Variants in KCNQ3 observed in about 807,000 individuals in gnomAD.
The protein encoded by KCNQ3 is potassium voltage-gated channel subfamily Q member 3.
Under a neutral mutation model 92.5 loss-of-function variants are expected in KCNQ3, and 30 were observed. The observed-to-expected ratio is 0.32, with a 90% CI of 0.24 to 0.44. The LOEUF is 0.44. Ranked by LOEUF, KCNQ3 falls within the 20% of genes least tolerant of loss-of-function variation. KCNQ3 has a pLI of 1.00. For missense variants in KCNQ3, 913 were observed against 1,140.3 expected (o/e 0.80, Z 2.87); for synonymous variants, 450 against 468.8 (o/e 0.96, Z 0.52).
chr8:132,352,528 G>A (rs1442398738), intron 1 of KCNQ3, among the ~76,000 whole-genome samples: 9 of 152,146 alleles, frequency 5.9e-5, no homozygotes, highest in Non-Finnish European at 1.0e-4. Flanking sequence ...CTGCTGTGAG[G>A]GCTAAATCAG....
intron 7 of KCNQ3, 137 bp downstream of exon 7, chr8:132,172,461 A>G: frequency 1.3e-6 from 1 of 797,240 alleles, no homozygotes; most frequent in South Asian, 1.4e-5. Flanking sequence ...ACAGACACAC[A>G]TGGAATCCTG....
intron 14 of KCNQ3, 116 bp from the exon 15 acceptor site, chr8:132,130,112 T>G (rs1292039167): frequency 3.0e-5 from 37 of 1,214,722 alleles, no homozygotes; most frequent in Non-Finnish European, 4.0e-5. Context: ...AGACGAAGTC[T>G]CAGTCTGTCA....
chr8:132,430,435 C>T (rs1460167848), intron 1 of KCNQ3, among the ~76,000 whole-genome samples: 3 of 152,240 alleles, frequency 2.0e-5, no homozygotes, highest in Admixed American at 6.5e-5. Flanking sequence ...CCAAAGGTCC[C>T]TGTGCCAGCC....
intron 12 of KCNQ3, 104 bp from the exon 13 acceptor site, chr8:132,134,492 T>C (rs1300687810): frequency 7.1e-6 from 6 of 847,628 alleles, no homozygotes; most frequent in East Asian, 2.7e-5. Flanking sequence ...GTTTGGAATA[T>C]ATAAGAGGAG....
chr8:132,256,693 T>C (rs1394559996), intron 1 of KCNQ3, among the ~76,000 whole-genome samples: 3 of 152,168 alleles, frequency 2.0e-5, no homozygotes, highest in African/African-American at 4.8e-5. Flanking sequence ...GAGTGTAGGA[T>C]GACATATTTA....
At chr8:132,441,166 C>G (rs1821525623) in intron 1 of KCNQ3, among the ~76,000 whole-genome samples, 1 of 152,210 alleles carries the variant, frequency 6.6e-6, no homozygotes, top group Admixed American at 6.5e-5. Flanking sequence ...TTGAAGACCT[C>G]AAAAGTAGGT....
At chr8:132,385,652 A>T (rs1819870771) in intron 1 of KCNQ3, among the ~76,000 whole-genome samples, 2 of 152,230 alleles carry the variant, frequency 1.3e-5, no homozygotes, top group Middle Eastern at 3.4e-3. Context: ...GGAATGATGC[A>T]GTAAGAAGAC....
chr8:132,169,925 GTGC>G (rs2130106793), intron 8 of KCNQ3, among the ~76,000 whole-genome samples: 1 of 152,096 alleles, frequency 6.6e-6, no homozygotes, highest in Admixed American at 6.5e-5. Flanking sequence ...CCAGGCTGAA[GTGC>G]TGTAGCACAA....
chr8:132,144,444 G>A (rs149345735), intron 9 of KCNQ3, among the ~76,000 whole-genome samples: 57 of 152,324 alleles, frequency 3.7e-4, no homozygotes, highest in Non-Finnish European at 6.8e-4. Flanking sequence ...CATAATTAAG[G>A]TGTTGTTCTA....
chr8:132,433,671 C>T (rs1821310214), intron 1 of KCNQ3, among the ~76,000 whole-genome samples: 2 of 150,952 alleles, frequency 1.3e-5, no homozygotes, highest in Admixed American at 6.6e-5. Context: ...AGGCGGATCA[C>T]CTGAGATCAG....
intron 1 of KCNQ3, among the ~76,000 whole-genome samples, chr8:132,233,914 C>T (rs1376063497): frequency 1.3e-5 from 2 of 152,122 alleles, no homozygotes; most frequent in Non-Finnish European, 2.9e-5. Flanking sequence ...AGGAAAAGGT[C>T]TAATTTGACC....
intron 8 of KCNQ3, among the ~76,000 whole-genome samples, chr8:132,166,596 T>C (rs1268838619): frequency 6.6e-6 from 1 of 152,140 alleles, no homozygotes; most frequent in African/African-American, 2.4e-5. Context: ...GGCTCTCAGG[T>C]TTTTCTCATA....
intron 1 of KCNQ3, among the ~76,000 whole-genome samples, chr8:132,449,635 T>C (rs1175275645): frequency 6.6e-6 from 1 of 152,166 alleles, no homozygotes; most frequent in African/African-American, 2.4e-5. Context: ...CTGGGTCATG[T>C]GCTTACTCCT....
In KCNQ3 at chr8:132,127,294, A is replaced by G. The variant is rs1421282232; in HGVS notation, c.*1968T>C. 3.3e-5 allele frequency: 5 copies of G among 152,172 alleles called. No individual in the cohort carries two copies. Among genetic ancestry groups the G allele is most frequent in the African/African-American group, 1.2e-4 (5 of 41,426 alleles). 9.4% of individuals were successfully genotyped at this position (152,172 alleles called of 1,614,324 possible). A position where few individuals can be genotyped will look rare whatever the true frequency, so the allele number is the denominator to read the frequency against. On this transcript the variant is annotated 3_prime_UTR_variant, in exon 15 of 15. Transcript: ENST00000388996. ...CTTCAAGGTCTACACCCATCCATTT[A>G]TGGGGCTCTCCATAAAAAACACCCT... is the stretch of plus-strand genomic sequence containing the variant.
Position 132,480,604 on chromosome 8 carries a change from GA to G in KCNQ3, c.-73del. 2.5e-6 allele frequency: 3 copies of G among 1,218,704 alleles called. No individual in the cohort carries two copies. The highest frequency in any genetic ancestry group is 2.1e-6 in the Non-Finnish European group (2 of 957,216). The allele number at this position is 1,218,704 out of a possible 1,614,324, so 75.5% of individuals were successfully genotyped here. ...GGAAGAAGGGGCGCTCGGGGTGCGT[GA>G]ACGAGGCGGCGGCGGCGGCTGCAAG... is the stretch of plus-strand genomic sequence containing the variant. On this transcript the variant is annotated 5_prime_UTR_variant, in exon 1 of 15. Coordinates refer to ENST00000388996, the MANE Select transcript of KCNQ3 (RefSeq NM_004519.4).
intron 1 of KCNQ3, among the ~76,000 whole-genome samples, chr8:132,219,596 T>C (rs1328067854): frequency 1.3e-5 from 2 of 152,104 alleles, no homozygotes; most frequent in African/African-American, 2.4e-5. Flanking sequence ...TACCTAAAAA[T>C]GGTCTTTGCA....
At chr8:132,140,523 GC>G (rs1395174684) in intron 10 of KCNQ3, 3 of 296,226 alleles carry the variant, frequency 1.0e-5, no homozygotes, top group South Asian at 9.3e-5. Context: ...CACACACTGT[GC>G]AGGCCTCAGC....
At chr8:132,135,469 C>T (rs1467375462) in intron 12 of KCNQ3, among the ~76,000 whole-genome samples, 1 of 152,068 alleles carries the variant, frequency 6.6e-6, no homozygotes, top group East Asian at 1.9e-4. Context: ...CCAGCTGCTC[C>T]TCCACTGACG....
At chr8:132,372,764 AAAAAAAAAC>A (rs1819508351) in intron 1 of KCNQ3, among the ~76,000 whole-genome samples, 2 of 148,908 alleles carry the variant, frequency 1.3e-5, no homozygotes, top group Non-Finnish European at 3.0e-5. Context: ...TGTCTCAAAA[AAAAAAAAAC>A]AAAAAAAAAA....
Sources: gnomAD v4.1 joint callset for allele counts (sites outside exome capture counted in the v4.1 genomes callset) on GRCh38, gnomAD v4.1.1 for gene constraint, MANE v1.5 for transcripts, NCBI Gene and HGNC (gene_info 2026-07-23, HGNC 2026-07-21) for gene names.